PTPRM: variants seen among roughly 807,000 people sequenced by gnomAD.
PTPRM encodes receptor-type tyrosine-protein phosphatase mu.
A neutral mutation model predicts 186.7 loss-of-function variants in PTPRM; 47 were observed. The observed-to-expected ratio is 0.25, with a 90% confidence interval of 0.20 to 0.32. PTPRM has a LOEUF of 0.32. Ranked by LOEUF, PTPRM falls within the 10% of genes least tolerant of loss-of-function variation. The pLI is 1.00. For synonymous variants in PTPRM, 668 were observed against 674.9 expected (o/e 0.99, Z 0.16); for missense variants, 1,494 against 1,865.0 (o/e 0.80, Z 3.66).
At chr18:8,366,535 A>C (rs2095630485) in intron 23 of PTPRM, among the ~76,000 whole-genome samples, 1 of 152,310 alleles carries the variant, frequency 6.6e-6, no homozygotes, top group Admixed American at 6.5e-5. Flanking sequence ...CCATCCTCTG[A>C]CTTTAATTTA....
intron 7 of PTPRM, among the ~76,000 whole-genome samples, chr18:8,035,585 C>T (rs901880317): frequency 7.3e-5 from 11 of 151,652 alleles, no homozygotes; most frequent in Admixed American, 1.3e-4. Flanking sequence ...GTTTTTTTCC[C>T]CCAATATTTT....
chr18:8,348,392 C>T (rs1480782244), intron 23 of PTPRM, among the ~76,000 whole-genome samples: 2 of 152,216 alleles, frequency 1.3e-5, no homozygotes, highest in Admixed American at 6.5e-5. Context: ...GCGGGGTCCC[C>T]GGTACATCTG....
intron 14 of PTPRM, among the ~76,000 whole-genome samples, chr18:8,236,569 T>C (rs985768158): frequency 6.6e-6 from 1 of 152,158 alleles, no homozygotes; most frequent in East Asian, 1.9e-4. Flanking sequence ...TGAGATGGGG[T>C]CTTGCTATGT....
chr18:7,665,140 A>G (rs549697068), intron 1 of PTPRM, among the ~76,000 whole-genome samples: 14 of 152,304 alleles, frequency 9.2e-5, no homozygotes, highest in South Asian at 6.2e-4. Flanking sequence ...TTAATTTGCT[A>G]TTGAAGGTGA....
At chr18:7,866,264 TTTAA>T (rs1417783153) in intron 2 of PTPRM, among the ~76,000 whole-genome samples, 1 of 152,210 alleles carries the variant, frequency 6.6e-6, no homozygotes, top group Non-Finnish European at 1.5e-5. Flanking sequence ...CTCTAGTTCT[TTTAA>T]TTGTGACGTT....
chr18:8,336,936 C>T (rs1329694892), intron 22 of PTPRM, among the ~76,000 whole-genome samples: 3 of 151,964 alleles, frequency 2.0e-5, no homozygotes, highest in Non-Finnish European at 4.4e-5. Flanking sequence ...AAGATCACGC[C>T]ACTGCACTCC....
chr18:8,301,344 C>G (rs1176548734), intron 20 of PTPRM, among the ~76,000 whole-genome samples: 1 of 152,182 alleles, frequency 6.6e-6, no homozygotes, highest in Admixed American at 6.5e-5. Flanking sequence ...ACCCTACCCA[C>G]CATTACCGCC....
intron 1 of PTPRM, among the ~76,000 whole-genome samples, chr18:7,746,496 C>T (rs952810531): frequency 2.6e-5 from 4 of 151,690 alleles, no homozygotes; most frequent in South Asian, 2.1e-4. Context: ...GAAGAAGTCT[C>T]GCTCTGTCGC....
At chr18:7,799,308 C>G (rs1398221470) in intron 2 of PTPRM, among the ~76,000 whole-genome samples, 1 of 152,154 alleles carries the variant, frequency 6.6e-6, no homozygotes, top group Admixed American at 6.5e-5. Flanking sequence ...ACAGAGCTTT[C>G]AGGGCCCAAT....
At chr18:7,601,184 G>A (rs911326552) in intron 1 of PTPRM, among the ~76,000 whole-genome samples, 7 of 152,312 alleles carry the variant, frequency 4.6e-5, no homozygotes, top group South Asian at 2.1e-4. Flanking sequence ...CCAAATTACC[G>A]TTTTTCTAGC....
intron 14 of PTPRM, among the ~76,000 whole-genome samples, chr18:8,180,682 C>T (rs893160299): frequency 6.6e-6 from 1 of 152,162 alleles, no homozygotes; most frequent in Non-Finnish European, 1.5e-5. Context: ...GCTTTCTTCC[C>T]TTACCGGTTC....
chr18:7,951,205 A>G (rs2052928726), intron 6 of PTPRM, among the ~76,000 whole-genome samples: 2 of 152,222 alleles, frequency 1.3e-5, no homozygotes, highest in African/African-American at 4.8e-5. Context: ...GTGCTCTGGC[A>G]AGTGAGACAT....
intron 14 of PTPRM, among the ~76,000 whole-genome samples, chr18:8,233,560 TTCATTACCA>T (rs2094311956): frequency 2.0e-5 from 3 of 152,214 alleles, no homozygotes; most frequent in African/African-American, 7.2e-5. Context: ...TGGATACCAG[TTCATTACCA>T]GGTATGTCTT....
Position 8,376,101 on chromosome 18 carries a change from A to T in PTPRM, c.3227A>T (p.Asp1076Val). ...IRQFHFTGWPDHGVPYHATGL... is the reference protein window; with the variant it reads ...IRQFHFTGWPVHGVPYHATGL... ...CAGTTTCACTTCACTGGCTGGCCGG[A>T]TCATGGGGTCCCCTACCATGCCACC... is the stretch of plus-strand genomic sequence containing the variant. Residue 1076 changes from aspartate (D) to valine (V), a missense_variant, in exon 25 of 33, where the codon GAT (aspartate) becomes GTT (valine). By Grantham distance (152) the Asp-to-Val change is radical. Around this residue, in one of 3 missense-constraint regions of PTPRM, gnomAD observed 1,107 missense variants for 1,350.2 expected, o/e 0.82. Coordinates refer to ENST00000580170, the MANE Select transcript of PTPRM (RefSeq NM_001105244.2). The T allele has an allele frequency of 6.2e-7, 1 of 1,614,022 alleles. No homozygotes were observed.
chr18:8,313,028 C>A (rs2095281186), intron 20 of PTPRM, among the ~76,000 whole-genome samples: 1 of 152,188 alleles, frequency 6.6e-6, no homozygotes, highest in Non-Finnish European at 1.5e-5. Flanking sequence ...GAAATTTTGA[C>A]TTTCACCCAT....
Position 8,147,211 on chromosome 18 carries a change from A to G in PTPRM, c.2300+3432A>G, listed in dbSNP as rs1291986729. The stretch of plus-strand genomic sequence containing the variant: ...ACGTCAATGGTAGCTTGATGGAGAT[A>G]GCATTGAATTTATAAATTACTTTGG... On this transcript the variant is annotated intron_variant, in intron 14 of 32. Transcript: ENST00000580170. Among the ~76,000 whole-genome samples, 10 of 152,288 alleles carry G rather than the reference A, an allele frequency of 6.6e-5. No homozygotes were observed. In the South Asian group the frequency reaches 1.9e-3, roughly 28 times the overall value.
chr18:7,828,866 A>C (rs1302346449), intron 2 of PTPRM, among the ~76,000 whole-genome samples: 1 of 152,180 alleles, frequency 6.6e-6, no homozygotes, highest in Non-Finnish European at 1.5e-5. Context: ...GAGCAAAAAA[A>C]TTTTAAAGAT....
intron 7 of PTPRM, among the ~76,000 whole-genome samples, chr18:7,975,686 A>G (rs1281088305): frequency 1.3e-5 from 2 of 152,198 alleles, no homozygotes; most frequent in African/African-American, 4.8e-5. Flanking sequence ...TAAATATACA[A>G]ATACTCTCAT....
intron 14 of PTPRM, among the ~76,000 whole-genome samples, chr18:8,228,414 G>A (rs953710382): frequency 1.3e-5 from 2 of 152,124 alleles, no homozygotes; most frequent in Non-Finnish European, 2.9e-5. Context: ...TTTCAAGATC[G>A]ACCCAAAGGC....
Sources: allele counts gnomAD v4.1 joint callset (sites outside exome capture counted in the v4.1 genomes callset), GRCh38; gene constraint gnomAD v4.1.1; regional missense constraint gnomAD v4.1.1; transcripts MANE v1.5; gene names NCBI Gene and HGNC (gene_info 2026-07-23, HGNC 2026-07-21).